Variants in RPL27 observed in about 807,000 individuals in gnomAD.
The protein encoded by RPL27 is large ribosomal subunit protein eL27.
For synonymous variants in RPL27, 77 were observed against 61.0 expected (o/e 1.26, Z -1.22); for missense variants, 131 against 174.3 (o/e 0.75, Z 1.40).
At chr17:42,998,990 TA>T (rs2050330337) in intron 2 of RPL27, 159 bp downstream of exon 2, 1 of 597,734 alleles carries the variant, frequency 1.7e-6, no homozygotes, top group Non-Finnish European at 3.0e-6. Flanking sequence ...AGAAGCACAG[TA>T]AAAGCAAATG....
chr17:43,000,584 C>A (rs186974898), intron 3 of RPL27, among the ~76,000 whole-genome samples: 8 of 150,356 alleles, frequency 5.3e-5, no homozygotes, highest in Admixed American at 4.6e-4. Flanking sequence ...AGTACAGGCA[C>A]CTGCCACCAC....
At chr17:43,000,769 A>C (rs2050352779) in intron 3 of RPL27, among the ~76,000 whole-genome samples, 2 of 150,820 alleles carry the variant, frequency 1.3e-5, no homozygotes, top group South Asian at 4.3e-4. Flanking sequence ...TAAGAAGTAC[A>C]AGAGGCCGGG....
intron 3 of RPL27, among the ~76,000 whole-genome samples, chr17:43,000,935 G>C (rs532266401): frequency 2.0e-5 from 3 of 151,982 alleles, no homozygotes; most frequent in Non-Finnish European, 4.4e-5. Flanking sequence ...TGTAATCCCA[G>C]CTATTTGGGA....
chr17:43,000,158 G>C, intron 3 of RPL27, 56 bp downstream of exon 3: 1 of 1,338,640 alleles, frequency 7.5e-7, no homozygotes, highest in Non-Finnish European at 1.1e-6. Flanking sequence ...GTTGAATAAT[G>C]AGACAGACCT....
At chr17:42,999,837 C>T in intron 2 of RPL27, 96 bp from the exon 3 acceptor site, 1 of 926,622 alleles carries the variant, frequency 1.1e-6, no homozygotes, top group Non-Finnish European at 1.7e-6. Flanking sequence ...TCTTGGAGAC[C>T]TGAGGGTGGA....
intron 1 of RPL27, 54 bp from the exon 2 acceptor site, chr17:42,998,695 G>T (rs867927207): frequency 2.9e-6 from 4 of 1,366,216 alleles, no homozygotes; most frequent in Non-Finnish European, 4.2e-6. Context: ...GTCAGCTCTG[G>T]GCATCTTTGG....
chr17:43,000,391 G>C (rs1352952246), intron 3 of RPL27, among the ~76,000 whole-genome samples: 1 of 152,074 alleles, frequency 6.6e-6, no homozygotes, highest in Non-Finnish European at 1.5e-5. Context: ...CTGTGAGTGC[G>C]TGAAAGCAAG....
At chr17:42,999,156 T>C in intron 2 of RPL27, 2 of 205,036 alleles carry the variant, frequency 9.8e-6, no homozygotes, top group South Asian at 1.4e-4. Flanking sequence ...GGGATTCCTT[T>C]TCTTTTCTTT....
rs769371961 is a variant in RPL27 at position 43,000,037 on chromosome 17, C to T, written c.186C>T (p.Ile62=). ...KVTAAMGKKK[I]AKRSKIKSFV... Reference sequence around the variant, plus strand: ...CAGCTGCCATGGGCAAGAAGAAGATCGCCAAGAGATCAAAGATAAAATCTT... The same window carrying T: ...CAGCTGCCATGGGCAAGAAGAAGATTGCCAAGAGATCAAAGATAAAATCTT... The change falls in exon 3 of 5, where the codon ATC becomes ATT. Residue 62 remains isoleucine, a synonymous_variant. Transcript: ENST00000253788. The T allele has an allele frequency of 2.0e-5, 33 of 1,612,704 alleles. No individual in the cohort carries two copies. In the East Asian group the frequency reaches 4.7e-4, roughly 23 times the overall value.
intron 3 of RPL27, among the ~76,000 whole-genome samples, chr17:43,001,262 G>C (rs2050358830): frequency 1.3e-5 from 2 of 152,058 alleles, no homozygotes; most frequent in South Asian, 4.1e-4. Context: ...ATAATTGCCA[G>C]AACCCAGCAG....
Position 43,000,116 on chromosome 17 carries a change from G to T in RPL27, c.251+14G>T, listed in dbSNP as rs1445049566. The T allele has an allele frequency of 3.1e-6, 5 of 1,598,324 alleles. No homozygotes were observed. Among genetic ancestry groups the T allele is most frequent in the East Asian group, 4.5e-5 (2 of 44,734 alleles). On this transcript the variant is annotated intron_variant, in intron 3 of 4. Transcript: ENST00000253788. ...AATGCCCACAAGGTGAGCATTTCAA[G>T]AACTAGAATTTAAATTTCTTCTCCC... is the stretch of plus-strand genomic sequence containing the variant.
rs558582860 is a variant in RPL27, at chr17:43,002,054, A to G, written c.252-619A>G. ...GGTTGCAGTGAGCCGAGATTGCGCC[A>G]CTGCACTCCAGCCTGGGCAACAGCG... is the stretch of plus-strand genomic sequence containing the variant. On this transcript the variant is annotated intron_variant, in intron 3 of 4. Coordinates refer to ENST00000253788, the MANE Select transcript of RPL27 (RefSeq NM_000988.5). Among the ~76,000 whole-genome samples the G allele has an allele frequency of 7.8e-4, 118 of 151,756 alleles. 3 individuals carry two copies. The highest frequency in any genetic ancestry group is 1.3e-3 in the Non-Finnish European group (89 of 67,998).
intron 3 of RPL27, 143 bp downstream of exon 3, chr17:43,000,245 C>T (rs940652380): frequency 2.9e-6 from 2 of 679,884 alleles, no homozygotes; most frequent in Non-Finnish European, 5.1e-6. Flanking sequence ...CTATGGTTTC[C>T]AGTTTTGCCT....
chr17:43,000,284 G>T (rs947386766), intron 3 of RPL27, among the ~76,000 whole-genome samples, 182 bp downstream of exon 3: 2 of 152,126 alleles, frequency 1.3e-5, no homozygotes, highest in African/African-American at 4.8e-5. Flanking sequence ...GTTGGGTAAA[G>T]ATTGTTTTCC....
At chr17:43,000,131 TTTC>T (rs1276139503) in intron 3 of RPL27, 29 bp downstream of exon 3, 3 of 1,559,726 alleles carry the variant, frequency 1.9e-6, no homozygotes, top group African/African-American at 2.7e-5. Context: ...AGAATTTAAA[TTTC>T]TTCTCCCTGC....
intron 2 of RPL27, chr17:42,999,406 T>A (rs1471914466): frequency 3.9e-5 from 6 of 154,614 alleles, no homozygotes; most frequent in South Asian, 1.9e-4. Context: ...GAGGAGGAAA[T>A]TGCTTTTAGA....
chr17:43,002,400 G>A (rs896933931), intron 3 of RPL27, among the ~76,000 whole-genome samples: 4 of 152,006 alleles, frequency 2.6e-5, no homozygotes, highest in African/African-American at 7.2e-5. Flanking sequence ...CCAGCTACTC[G>A]GGAGGCTGAG....
rs775590725 is a variant in RPL27, at chr17:43,002,852, CCT to C, written c.363-17_363-16del. On this transcript the variant is annotated intron_variant, in intron 4 of 4. Transcript: ENST00000253788. ...TTTCCATTCCTTTCCTCATTGGTGT[CCT>C]CTTTTTTTCCCTTCTAGATACAAGA... The C allele has an allele frequency of 1.1e-5, 17 of 1,612,832 alleles. No homozygotes were observed. In the East Asian group the frequency reaches 3.8e-4, roughly 36 times the overall value.
intron 2 of RPL27, chr17:42,999,606 C>A (rs2050337839): frequency 1.5e-5 from 4 of 258,102 alleles, no homozygotes; most frequent in Non-Finnish European, 3.0e-5. Context: ...TTAACCTTGG[C>A]TGTACACTTC....
Sources: gnomAD v4.1 joint callset for allele counts (sites outside exome capture counted in the v4.1 genomes callset) on GRCh38, gnomAD v4.1.1 for gene constraint, MANE v1.5 for transcripts, NCBI Gene and HGNC (gene_info 2026-07-23, HGNC 2026-07-21) for gene names.